DMTF1: variants seen among roughly 807,000 people sequenced by gnomAD.
The protein encoded by DMTF1 is cyclin-D-binding Myb-like transcription factor 1.
DMTF1 carries 39 observed loss-of-function variants against 91.1 expected under a neutral mutation model. The observed-to-expected ratio is 0.43, with a 90% CI of 0.33 to 0.56. DMTF1 has a LOEUF of 0.56. Ranked by LOEUF, DMTF1 falls within the 20% of genes least tolerant of loss-of-function variation. DMTF1 has a pLI of 0.05. For missense variants in DMTF1, 750 were observed against 914.5 expected (o/e 0.82, Z 2.32); for synonymous variants, 338 against 309.5 (o/e 1.09, Z -0.97).
At chr7:87,175,372 TAAAA>T (rs747472790) in intron 7 of DMTF1, among the ~76,000 whole-genome samples, 31 of 152,218 alleles carry the variant, frequency 2.0e-4, no homozygotes, top group South Asian at 8.3e-4. Flanking sequence ...CCTTACCTTT[TAAAA>T]AAAATCAAAA....
intron 3 of DMTF1, among the ~76,000 whole-genome samples, chr7:87,166,124 A>G (rs952714738): frequency 1.3e-5 from 2 of 152,210 alleles, no homozygotes; most frequent in Non-Finnish European, 2.9e-5. Context: ...CGCATTTCAT[A>G]TACCTGTGTT....
intron 1 of DMTF1, among the ~76,000 whole-genome samples, chr7:87,160,565 C>T (rs1303610520): frequency 6.6e-6 from 1 of 152,012 alleles, no homozygotes; most frequent in Non-Finnish European, 1.5e-5. Flanking sequence ...AAATGAGCCA[C>T]CACACCCGGC....
chr7:87,187,843 CT>C (rs1000380202), intron 12 of DMTF1: 21 of 488,038 alleles, frequency 4.3e-5, no homozygotes, highest in Non-Finnish European at 5.8e-5. Flanking sequence ...TAATGTCTAC[CT>C]TTTTTTAACA....
chr7:87,184,951 C>T (rs1002118602), intron 11 of DMTF1: 1 of 482,076 alleles, frequency 2.1e-6, no homozygotes, highest in African/African-American at 2.0e-5. Context: ...TGCCTCAGTC[C>T]TAGCCTAGGG....
chr7:87,191,116 T>TA, intron 14 of DMTF1, 89 bp downstream of exon 14: 1 of 862,132 alleles, frequency 1.2e-6, no homozygotes, highest in South Asian at 1.7e-5. Flanking sequence ...TTATGATTCA[T>TA]AAAAGTCTGA....
chr7:87,177,829 C>A (rs1259582838), intron 7 of DMTF1, among the ~76,000 whole-genome samples: 2 of 152,056 alleles, frequency 1.3e-5, no homozygotes, highest in African/African-American at 4.8e-5. Context: ...CTAAATCAAG[C>A]TGCCACAAAT....
chr7:87,175,700 G>C (rs1481811719), intron 7 of DMTF1, among the ~76,000 whole-genome samples: 2 of 152,192 alleles, frequency 1.3e-5, no homozygotes, highest in African/African-American at 4.8e-5. Context: ...ACTTGGGCTA[G>C]AGTAGAACTT....
At chr7:87,163,950 G>C (rs915089228) in intron 2 of DMTF1, among the ~76,000 whole-genome samples, 1 of 150,186 alleles carries the variant, frequency 6.7e-6, no homozygotes, top group African/African-American at 2.5e-5. Flanking sequence ...GGCTAAGACA[G>C]GAGTATCACT....
chr7:87,164,165 G>A (rs1793226265), intron 2 of DMTF1: 1 of 150,704 alleles, frequency 6.6e-6, no homozygotes, highest in Non-Finnish European at 1.5e-5. Context: ...AGTGAGTATT[G>A]AGGCAAGAAC....
chr7:87,163,085 G>T (rs1217187893), intron 1 of DMTF1: 1 of 151,954 alleles, frequency 6.6e-6, no homozygotes, highest in Admixed American at 6.6e-5. Flanking sequence ...AAAACATAAA[G>T]AGGTGTTAAT....
intron 9 of DMTF1, chr7:87,181,905 A>G: frequency 5.5e-6 from 4 of 725,078 alleles, no homozygotes; most frequent in Non-Finnish European, 8.2e-6. Context: ...TGTTGGGTAT[A>G]TGCTCAAAAG....
intron 10 of DMTF1, among the ~76,000 whole-genome samples, chr7:87,183,847 CTAA>C (rs1797874816): frequency 6.6e-6 from 1 of 152,124 alleles, no homozygotes; most frequent in Non-Finnish European, 1.5e-5. Context: ...TCAGACTTTA[CTAA>C]TATTTCATCA....
intron 1 of DMTF1, among the ~76,000 whole-genome samples, chr7:87,160,761 T>C (rs1015204118): frequency 3.9e-5 from 6 of 152,168 alleles, no homozygotes; most frequent in African/African-American, 1.2e-4. Context: ...TTAATGCTCA[T>C]TGAAAAAACA....
intron 14 of DMTF1, among the ~76,000 whole-genome samples, chr7:87,191,392 G>A (rs1439718634): frequency 6.6e-6 from 1 of 152,122 alleles, no homozygotes; most frequent in South Asian, 2.1e-4. Context: ...GATACAAAAT[G>A]TAACAGTCCC....
At chr7:87,164,568 A>G (rs112052852) in intron 2 of DMTF1, among the ~76,000 whole-genome samples, 1,734 of 152,212 alleles carry the variant, frequency 0.011, 32 homozygotes, top group African/African-American at 0.04. Context: ...TGCTTAAAGA[A>G]AAAGAAGTTA....
chr7:87,166,373 A>C, intron 3 of DMTF1, 110 bp from the exon 4 acceptor site: 3 of 1,147,908 alleles, frequency 2.6e-6, no homozygotes, highest in Non-Finnish European at 2.4e-6. Context: ...TAAATGAGCA[A>C]ATTGGTAAGA....
At chr7:87,180,607 G>A (rs1265732420) in intron 8 of DMTF1, among the ~76,000 whole-genome samples, 1 of 152,100 alleles carries the variant, frequency 6.6e-6, no homozygotes, top group Non-Finnish European at 1.5e-5. Flanking sequence ...TGCTTTGAGG[G>A]AATTTTCTGT....
At chr7:87,163,077 A>C (rs776072214) in intron 1 of DMTF1, 2 of 151,722 alleles carry the variant, frequency 1.3e-5, no homozygotes, top group Non-Finnish European at 1.5e-5. Context: ...TTTAAGATAA[A>C]ACATAAAGAG....
At chr7:87,190,303 G>GT (rs767786834) in intron 13 of DMTF1, among the ~76,000 whole-genome samples, 6 of 150,688 alleles carry the variant, frequency 4.0e-5, no homozygotes, top group Non-Finnish European at 8.9e-5. Flanking sequence ...GGCAGGACAG[G>GT]TAAAAAAAAA....
Sources: gnomAD v4.1 joint callset for allele counts (sites outside exome capture counted in the v4.1 genomes callset) on GRCh38, gnomAD v4.1.1 for gene constraint, MANE v1.5 for transcripts, NCBI Gene and HGNC (gene_info 2026-07-23, HGNC 2026-07-21) for gene names.